TDRD10: variants seen among roughly 807,000 people sequenced by gnomAD.
TDRD10 encodes tudor domain-containing protein 10.
A neutral mutation model predicts 48.0 loss-of-function variants in TDRD10; 40 were observed. The observed-to-expected ratio is 0.83, with a 90% CI of 0.65 to 1.09. The LOEUF is 1.09. Among genes scored for constraint, TDRD10 ranks in the 50% least tolerant of loss-of-function variants. The pLI, the probability that TDRD10 is intolerant of heterozygous loss-of-function variation, is 0.00. For synonymous variants in TDRD10, 162 were observed against 170.4 expected, an observed-to-expected ratio of 0.95 and a Z score of 0.38; for missense variants, 378 against 434.7, an observed-to-expected ratio of 0.87 and a Z score of 1.16.
At chr1:154,508,253 GC>G (rs1693258440) in intron 3 of TDRD10, among the ~76,000 whole-genome samples, 169 bp from the exon 4 acceptor site, 2 of 152,170 alleles carry the variant, frequency 1.3e-5, no homozygotes, top group Admixed American at 1.3e-4. Flanking sequence ...AGTGGCTCAC[GC>G]CTGTAATTCC....
chr1:154,506,032 T>C (rs1288457218), intron 1 of TDRD10, among the ~76,000 whole-genome samples: 1 of 152,132 alleles, frequency 6.6e-6, no homozygotes, highest in Admixed American at 6.6e-5. Flanking sequence ...CTGTGCAGAG[T>C]GGTGTGTGGT....
intron 11 of TDRD10, among the ~76,000 whole-genome samples, chr1:154,545,699 C>T (rs928102912): frequency 6.6e-6 from 1 of 151,506 alleles, no homozygotes; most frequent in South Asian, 2.1e-4. Flanking sequence ...CTTGGCCTCT[C>T]AAAGTGCTGG....
chr1:154,522,004 C>A (rs10908843), intron 6 of TDRD10, among the ~76,000 whole-genome samples: 2 of 152,022 alleles, frequency 1.3e-5, no homozygotes, highest in African/African-American at 4.8e-5. Flanking sequence ...GAGGAGGGCC[C>A]ATTCTCCGTA....
chr1:154,536,224 A>G (rs544055807), intron 6 of TDRD10, among the ~76,000 whole-genome samples: 14 of 152,274 alleles, frequency 9.2e-5, no homozygotes, highest in African/African-American at 3.4e-4. Context: ...AAAAATACAA[A>G]AATTAGCTGG....
At chr1:154,546,568 G>A (rs1695599233) in intron 11 of TDRD10, among the ~76,000 whole-genome samples, 1 of 149,872 alleles carries the variant, frequency 6.7e-6, no homozygotes, top group Non-Finnish European at 1.5e-5. Flanking sequence ...GGCTGGTGGG[G>A]CTTGTGCCCA....
chr1:154,505,008 C>A (rs1030863955), intron 1 of TDRD10, among the ~76,000 whole-genome samples: 6 of 152,184 alleles, frequency 3.9e-5, no homozygotes, highest in South Asian at 2.1e-4. Flanking sequence ...ACAACAACAA[C>A]AAAAAACTAC....
rs1694327649 is a variant in TDRD10 at position 154,526,571 on chromosome 1, T to C, written c.369+5092T>C. 2.0e-5 allele frequency among the ~76,000 whole-genome samples: 3 copies of C among 151,994 alleles called. No individual in the cohort carries two copies. The South Asian group carries it at 6.2e-4, about 32-fold the overall frequency. Reference sequence around the variant, plus strand: ...CCTGGGTTCAAACGATTCTCCTGCCTCAGTCTCTCGAGCAGCTGGGATTAC... The same window carrying C: ...CCTGGGTTCAAACGATTCTCCTGCCCCAGTCTCTCGAGCAGCTGGGATTAC... On this transcript the variant is annotated intron_variant, in intron 6 of 12. Transcript: ENST00000368482.
chr1:154,516,981 G>A (rs1449608834), intron 4 of TDRD10, among the ~76,000 whole-genome samples: 1 of 152,172 alleles, frequency 6.6e-6, no homozygotes, highest in African/African-American at 2.4e-5. Context: ...TTGTAGGTTC[G>A]GGTGGGACAG....
chr1:154,508,350 A>G, intron 3 of TDRD10, 73 bp from the exon 4 acceptor site: 1 of 1,030,178 alleles, frequency 9.7e-7, no homozygotes, highest in Non-Finnish European at 1.5e-6. Context: ...CCCTGTCTCT[A>G]TCCTGTATTC....
intron 6 of TDRD10, among the ~76,000 whole-genome samples, chr1:154,536,537 T>C (rs1694927512): frequency 6.6e-6 from 1 of 152,254 alleles, no homozygotes; most frequent in African/African-American, 2.4e-5. Flanking sequence ...GTATTCGATA[T>C]ACTTACTGAA....
At position 154,544,969 on chromosome 1, in the gene TDRD10, C is replaced by T. The variant is rs765444138; in HGVS notation, c.952+20C>T. The T allele has an allele frequency of 6.2e-7, 1 of 1,612,732 alleles. No homozygotes were observed. Among genetic ancestry groups the T allele is most frequent in the South Asian group, 1.1e-5 (1 of 90,904 alleles). ...AGAAAGGTGAGACATCTTCTATCTT[C>T]CTCCCAAGGGTTTCAGGGACAGGAG... is the stretch of plus-strand genomic sequence containing the variant. On this transcript the variant is annotated intron_variant, in intron 11 of 12. Coordinates refer to ENST00000368482, the MANE Select transcript of TDRD10 (RefSeq NM_182499.4).
intron 1 of TDRD10, among the ~76,000 whole-genome samples, chr1:154,504,209 C>T (rs1394999580): frequency 1.3e-5 from 2 of 152,184 alleles, no homozygotes; most frequent in Non-Finnish European, 2.9e-5. Flanking sequence ...CTACTACATT[C>T]GTTTTATATT....
chr1:154,529,798 G>A (rs1231782651), intron 6 of TDRD10, among the ~76,000 whole-genome samples: 1 of 151,998 alleles, frequency 6.6e-6, no homozygotes, highest in Non-Finnish European at 1.5e-5. Context: ...GCCTGTCTTG[G>A]CCTCCCAAAG....
chr1:154,516,483 T>C (rs971224773), intron 4 of TDRD10, among the ~76,000 whole-genome samples: 4 of 152,010 alleles, frequency 2.6e-5, no homozygotes, highest in African/African-American at 9.7e-5. Flanking sequence ...GAAGTAAAAA[T>C]CAGGGTTCTC....
intron 3 of TDRD10, 136 bp from the exon 4 acceptor site, chr1:154,508,287 G>A: frequency 1.5e-6 from 1 of 676,980 alleles, no homozygotes; most frequent in South Asian, 1.8e-5. Flanking sequence ...GACTGAGGTA[G>A]GAGGATTGCT....
intron 11 of TDRD10, among the ~76,000 whole-genome samples, chr1:154,545,919 C>G (rs1346032732): frequency 6.8e-6 from 1 of 147,510 alleles, no homozygotes; most frequent in Non-Finnish European, 1.5e-5. Flanking sequence ...CACCACCACA[C>G]CCAGCTAATT....
At chr1:154,512,326 C>A (rs1169342495) in intron 4 of TDRD10, among the ~76,000 whole-genome samples, 1 of 151,870 alleles carries the variant, frequency 6.6e-6, no homozygotes, top group African/African-American at 2.4e-5. Context: ...GTACTTTGTT[C>A]CTTTTTTGTT....
At position 154,520,252 on chromosome 1, in the gene TDRD10, T is replaced by A. The variant is rs946309387; in HGVS notation, c.142-52T>A. The A allele has an allele frequency of 5.3e-6, 7 of 1,316,376 alleles. No individual in the cohort carries two copies. In the Admixed American group the frequency reaches 1.2e-4, roughly 22 times the overall value. 81.5% of individuals were successfully genotyped at this position (1,316,376 alleles called of 1,614,324 possible). ...GCTGGGGATCTGAAACCTTGAGAAGTGGTTGTAAGTTATGTCTCTGGGTCT... is the reference window on the plus strand; with the variant it reads ...GCTGGGGATCTGAAACCTTGAGAAGAGGTTGTAAGTTATGTCTCTGGGTCT... On this transcript the variant is annotated intron_variant, in intron 4 of 12. Transcript: ENST00000368482.
Position 154,544,884 on chromosome 1 carries a change from G to T in TDRD10, c.887G>T (p.Arg296Leu). The T allele has an allele frequency of 6.2e-7, 1 of 1,614,182 alleles. No individual in the cohort carries two copies. Among genetic ancestry groups the T allele is most frequent in the Non-Finnish European group, 8.5e-7 (1 of 1,180,044 alleles). The change falls in exon 11 of 13, where the codon CGC (arginine) becomes CTC (leucine). Residue 296 changes from arginine (R) to leucine (L), a missense_variant. Arg to Leu is a moderately radical substitution (Grantham distance 102). This residue lies in a region of TDRD10 where 68 missense variants were observed against 111.1 expected (regional missense o/e 0.61). Transcript: ENST00000368482. ...GCCACCATCCCTGTGCAGTCTCTGCGCAGCCTAGACAGCGACGACTTCTGG... is the reference window on the plus strand; with the variant it reads ...GCCACCATCCCTGTGCAGTCTCTGCTCAGCCTAGACAGCGACGACTTCTGG... ...QLATIPVQSLRSLDSDDFWTI... is the reference protein window; with the variant it reads ...QLATIPVQSLLSLDSDDFWTI...
Sources: allele counts gnomAD v4.1 joint callset (sites outside exome capture counted in the v4.1 genomes callset), GRCh38; gene constraint gnomAD v4.1.1; regional missense constraint gnomAD v4.1.1; transcripts MANE v1.5; gene names NCBI Gene and HGNC (gene_info 2026-07-23, HGNC 2026-07-21).